The following IGSF10 variants were observed in gnomAD, a reference collection of about 807,000 sequenced individuals.
The protein encoded by IGSF10 is immunoglobulin superfamily member 10.
In IGSF10, 126 loss-of-function variants were observed where a neutral mutation model predicts 128.2. The observed-to-expected ratio is 0.98, with a 90% CI of 0.85 to 1.14. The LOEUF is 1.14. Among genes scored for constraint, IGSF10 ranks in the 50% most tolerant of loss-of-function variants. IGSF10 has a pLI of 0.00. For synonymous variants in IGSF10, 1,185 were observed against 1,146.2 expected (o/e 1.03, Z -0.68); for missense variants, 3,295 against 3,149.8 (o/e 1.05, Z -1.10).
At chr3:151,512,813 C>T in the IGSF10 span, among the ~76,000 whole-genome samples, 1 of 152,154 alleles carries the variant, frequency 6.6e-6, no homozygotes, top group Non-Finnish European at 1.5e-5. Flanking sequence ...ATACAAACTA[C>T]CATCAGAGAA....
At chr3:151,574,294 T>A in the IGSF10 span, among the ~76,000 whole-genome samples, 2 of 152,234 alleles carry the variant, frequency 1.3e-5, no homozygotes, top group Non-Finnish European at 2.9e-5. Flanking sequence ...TTCTCCTGGA[T>A]AACATCCTGA....
chr3:151,505,192 G>A, the IGSF10 span, among the ~76,000 whole-genome samples: 1 of 152,186 alleles, frequency 6.6e-6, no homozygotes, highest in Non-Finnish European at 1.5e-5. Flanking sequence ...AGGTTTAATT[G>A]ACTCACAGTT....
At chr3:151,547,429 T>TATATATATACAC in the IGSF10 span, among the ~76,000 whole-genome samples, 1 of 146,872 alleles carries the variant, frequency 6.8e-6, no homozygotes, top group African/African-American at 2.5e-5. Context: ...AATATATATA[T>TATATATATACAC]ACACACACAC....
At chr3:151,560,273 C>T in the IGSF10 span, among the ~76,000 whole-genome samples, 284 of 152,074 alleles carry the variant, frequency 1.9e-3, 2 homozygotes, top group East Asian at 0.03. Flanking sequence ...TTTATCACCT[C>T]GGGGCTCTTA....
upstream of IGSF10, among the ~76,000 whole-genome samples, chr3:151,465,165 A>G (rs577066752): frequency 3.3e-5 from 5 of 152,368 alleles, no homozygotes; most frequent in Middle Eastern, 3.4e-3. Context: ...CTGGAGGAAC[A>G]AGAGTTAAGA....
chr3:151,436,621 C>T lies in IGSF10; in HGVS notation c.*68G>A. On this transcript the variant is annotated 3_prime_UTR_variant, in exon 8 of 8. Coordinates refer to ENST00000282466, the MANE Select transcript of IGSF10 (RefSeq NM_178822.5). ...TTCAAATTCATTTACATGCCTATGG[C>T]TGCCTTTGATTAAACTTCTTCCAAA... 1 of 1,088,220 alleles carries T rather than the reference C, an allele frequency of 9.2e-7. No homozygotes were observed. The highest frequency in any genetic ancestry group is 1.3e-6 in the Non-Finnish European group (1 of 745,432). The allele number at this position is 1,088,220 out of a possible 1,614,324, so 67.4% of individuals were successfully genotyped here.
chr3:151,547,554 C>T, the IGSF10 span, among the ~76,000 whole-genome samples: 13 of 152,168 alleles, frequency 8.5e-5, no homozygotes, highest in African/African-American at 2.9e-4. Flanking sequence ...AACAGCTTCT[C>T]CTAGAGCCTG....
chr3:151,532,041 T>C, the IGSF10 span, among the ~76,000 whole-genome samples: 2 of 152,172 alleles, frequency 1.3e-5, no homozygotes, highest in Non-Finnish European at 2.9e-5. Context: ...CAAAGAATAC[T>C]ATAAACACCT....
chr3:151,441,702 A>T (rs948216395), intron 7 of IGSF10, among the ~76,000 whole-genome samples: 1 of 152,188 alleles, frequency 6.6e-6, no homozygotes, highest in African/African-American at 2.4e-5. Flanking sequence ...CACTTGCAAA[A>T]AAAAACCTCA....
At chr3:151,470,345 C>T in the IGSF10 span, among the ~76,000 whole-genome samples, 2 of 152,196 alleles carry the variant, frequency 1.3e-5, no homozygotes, top group African/African-American at 4.8e-5. Flanking sequence ...AAGGAATTTC[C>T]CTCTCAACTA....
Position 151,446,968 on chromosome 3 carries a change from G to T in IGSF10, c.3013C>A (p.Pro1005Thr). The T allele has an allele frequency of 6.2e-7, 1 of 1,614,200 alleles. No homozygotes were observed. The highest frequency in any genetic ancestry group is 8.5e-7 in the Non-Finnish European group (1 of 1,180,032). The change falls in exon 6 of 8, where the codon CCG becomes ACG. Residue 1005 changes from proline (P) to threonine (T), a missense_variant. Pro to Thr is a conservative substitution (Grantham distance 38). Coordinates refer to ENST00000282466, the MANE Select transcript of IGSF10 (RefSeq NM_178822.5). ...PIPRNSTVNI[P>T]LFRRFGRQRK... Reference sequence around the variant, plus strand: ...TGCCTCCCAAAGCGTCTGAACAGCGGGATGTTAACTGTACTATTTCTAGGG... The same window carrying T: ...TGCCTCCCAAAGCGTCTGAACAGCGTGATGTTAACTGTACTATTTCTAGGG...
At chr3:151,550,638 CT>C in the IGSF10 span, among the ~76,000 whole-genome samples, 1 of 152,008 alleles carries the variant, frequency 6.6e-6, no homozygotes, top group African/African-American at 2.4e-5. Flanking sequence ...ATTTAGAGAC[CT>C]GATTTTTAAA....
chr3:151,461,255 G>C (rs967807852), upstream of IGSF10: 1 of 985,286 alleles, frequency 1.0e-6, no homozygotes, highest in Non-Finnish European at 1.2e-6. Flanking sequence ...GTCCTGGCTG[G>C]GTGGCAGAGC....
the IGSF10 span, among the ~76,000 whole-genome samples, chr3:151,466,119 C>T: frequency 1.2e-4 from 18 of 152,112 alleles, no homozygotes; most frequent in Admixed American, 4.6e-4. Flanking sequence ...ATTCATGAAT[C>T]GTTTTTTTCC....
the IGSF10 span, among the ~76,000 whole-genome samples, chr3:151,496,905 T>G: frequency 6.6e-6 from 1 of 152,200 alleles, no homozygotes; most frequent in African/African-American, 2.4e-5. Flanking sequence ...ATTGTGGTTT[T>G]GATTTGCATT....
chr3:151,515,030 C>T, the IGSF10 span, among the ~76,000 whole-genome samples: 1 of 152,126 alleles, frequency 6.6e-6, no homozygotes, highest in Admixed American at 6.6e-5. Context: ...GGACTGTTAA[C>T]TAGTTCAACC....
At chr3:151,504,221 G>A in the IGSF10 span, among the ~76,000 whole-genome samples, 2 of 152,168 alleles carry the variant, frequency 1.3e-5, no homozygotes, top group Non-Finnish European at 2.9e-5. Flanking sequence ...GCCCAGGAAA[G>A]AACAACGGCA....
the IGSF10 span, among the ~76,000 whole-genome samples, chr3:151,599,382 A>T: frequency 2.0e-5 from 3 of 152,190 alleles, no homozygotes; most frequent in South Asian, 2.1e-4. Context: ...AGCAATAAAA[A>T]TTTTTTGCAG....
rs1368775509 is a variant in IGSF10 at position 151,447,168 on chromosome 3, C to T, written c.2813G>A (p.Ser938Asn). The change falls in exon 6 of 8, where the codon AGC becomes AAC. Residue 938 changes from serine to asparagine, a missense_variant. Coordinates refer to ENST00000282466, the MANE Select transcript of IGSF10 (RefSeq NM_178822.5). ...IKDVNVKMLSSTTNKLLLESV... is the reference protein window; with the variant it reads ...IKDVNVKMLSNTTNKLLLESV... ...CTCTAATAATAGTTTGTTGGTGGTG[C>T]TACTAAGCATTTTGACATTGACATC... 1 of 1,614,014 alleles carries T rather than the reference C, an allele frequency of 6.2e-7. No homozygotes were observed. The highest frequency in any genetic ancestry group is 1.3e-5 in the African/African-American group (1 of 74,910).
Sources: allele counts gnomAD v4.1 joint callset (sites outside exome capture counted in the v4.1 genomes callset), GRCh38; gene constraint gnomAD v4.1.1; transcripts MANE v1.5; gene names NCBI Gene and HGNC (gene_info 2026-07-23, HGNC 2026-07-21).